The following TRIM71 variants were observed in gnomAD, a reference collection of about 807,000 sequenced individuals.
TRIM71 encodes E3 ubiquitin-protein ligase TRIM71.
TRIM71 carries 9 observed loss-of-function variants against 61.2 expected under a neutral mutation model. That is an observed-to-expected ratio of 0.15 (90% CI 0.09 to 0.26). TRIM71 has a LOEUF of 0.26. Ranked by LOEUF, TRIM71 falls within the 10% of genes least tolerant of loss-of-function variation. TRIM71 has a pLI of 1.00. For missense variants in TRIM71, 998 were observed against 1,238.7 expected (o/e 0.81, Z 2.92); for synonymous variants, 645 against 553.2 (o/e 1.17, Z -2.33).
Position 32,818,608 on chromosome 3 carries a change from T to G in TRIM71, c.528T>G (p.Pro176=). 7.2e-7 allele frequency: 1 copy of G among 1,393,494 alleles called. No homozygotes were observed. Among genetic ancestry groups the G allele is most frequent in the Non-Finnish European group, 9.2e-7 (1 of 1,081,504 alleles). 86.3% of individuals were successfully genotyped at this position (1,393,494 alleles called of 1,614,324 possible). A position where few individuals can be genotyped will look rare whatever the true frequency, so the allele number is the denominator to read the frequency against. The part of the protein sequence containing the change: ...PLPQAPQPPA[P]SRSAPGGPAA... ...CGCAGGCGCCGCAGCCGCCCGCGCCTTCCCGCTCGGCACCCGGCGGCCCTG... is the reference window on the plus strand; with the variant it reads ...CGCAGGCGCCGCAGCCGCCCGCGCCGTCCCGCTCGGCACCCGGCGGCCCTG... Residue 176 remains proline (P), a synonymous_variant, in exon 1 of 4, where the codon CCT becomes CCG. Transcript: ENST00000383763.
At chr3:32,877,763 C>T (rs1212397260) in intron 2 of TRIM71, among the ~76,000 whole-genome samples, 1 of 152,128 alleles carries the variant, frequency 6.6e-6, no homozygotes, top group East Asian at 1.9e-4. Flanking sequence ...TTCTAGTTCT[C>T]TTTGTATTTT....
intron 1 of TRIM71, among the ~76,000 whole-genome samples, chr3:32,857,812 AAC>A (rs1559544190): frequency 6.6e-6 from 1 of 152,172 alleles, no homozygotes; most frequent in Non-Finnish European, 1.5e-5. Context: ...CTGTACTAAA[AAC>A]ACAAAAATTA....
chr3:32,850,267 T>TA, intron 1 of TRIM71, among the ~76,000 whole-genome samples: 1 of 150,912 alleles, frequency 6.6e-6, no homozygotes, highest in Non-Finnish European at 1.5e-5. Context: ...GAATACAGAT[T>TA]TTTTTTTGTG....
At chr3:32,880,950 G>A (rs1038285884) in intron 2 of TRIM71, among the ~76,000 whole-genome samples, 14 of 152,056 alleles carry the variant, frequency 9.2e-5, no homozygotes, top group Admixed American at 4.6e-4. Context: ...AACAAAGGAA[G>A]AAACCCACGG....
At chr3:32,841,117 C>T (rs147331824) in intron 1 of TRIM71, among the ~76,000 whole-genome samples, 50 of 151,110 alleles carry the variant, frequency 3.3e-4, no homozygotes, top group African/African-American at 1.2e-3. Context: ...TGGTGGCGGT[C>T]GCCTGTAGTC....
chr3:32,876,824 CATG>C (rs1485620203), intron 2 of TRIM71, among the ~76,000 whole-genome samples: 1 of 152,074 alleles, frequency 6.6e-6, no homozygotes, highest in African/African-American at 2.4e-5. Context: ...GAGTGGTTAA[CATG>C]GTGAAATCTC....
chr3:32,856,437 C>T (rs966210118), intron 1 of TRIM71, among the ~76,000 whole-genome samples: 1 of 152,106 alleles, frequency 6.6e-6, no homozygotes, highest in African/African-American at 2.4e-5. Context: ...CTCAGCTGGC[C>T]TTATTCAGTT....
intron 1 of TRIM71, among the ~76,000 whole-genome samples, chr3:32,826,486 A>G (rs1696203215): frequency 1.3e-5 from 2 of 151,114 alleles, no homozygotes; most frequent in African/African-American, 2.4e-5. Flanking sequence ...CTCATATTAG[A>G]CTTAGGCTAA....
intron 1 of TRIM71, among the ~76,000 whole-genome samples, chr3:32,840,190 G>A (rs779739245): frequency 6.6e-6 from 1 of 152,052 alleles, no homozygotes; most frequent in Non-Finnish European, 1.5e-5. Context: ...GCACAGGGAG[G>A]GAGAAAAGTT....
intron 2 of TRIM71, among the ~76,000 whole-genome samples, chr3:32,874,446 T>G: frequency 6.6e-6 from 1 of 151,838 alleles, no homozygotes; most frequent in East Asian, 1.9e-4. Context: ...AACCACAACC[T>G]CCACCTCCCG....
chr3:32,884,572 C>T (rs1350082144), intron 2 of TRIM71, among the ~76,000 whole-genome samples: 1 of 151,612 alleles, frequency 6.6e-6, no homozygotes, highest in Non-Finnish European at 1.5e-5. Context: ...AAAGAAATGC[C>T]CAGGACAGAC....
intron 1 of TRIM71, among the ~76,000 whole-genome samples, chr3:32,861,149 A>G (rs1164138602): frequency 1.3e-5 from 2 of 151,760 alleles, no homozygotes; most frequent in African/African-American, 2.4e-5. Context: ...TACTCCAGCC[A>G]GAGCAAGACT....
At chr3:32,838,148 A>AT (rs1371253307) in intron 1 of TRIM71, among the ~76,000 whole-genome samples, 7 of 152,108 alleles carry the variant, frequency 4.6e-5, no homozygotes, top group African/African-American at 1.7e-4. Flanking sequence ...ATTACCGGGG[A>AT]TTTGCGGTTC....
rs1182924470 is a variant in TRIM71, at chr3:32,824,379, G to A, written c.852+5447G>A. Among the ~76,000 whole-genome samples the A allele has an allele frequency of 4.7e-5, 7 of 150,222 alleles. No individual in the cohort carries two copies. In the East Asian group the frequency reaches 1.4e-3, roughly 30 times the overall value. ...TTTCTTTTTTTTTTTTTTAAGTAGA[G>A]ACGGGGTTTCACCATATTGGCCAGG... is the stretch of plus-strand genomic sequence containing the variant. On this transcript the variant is annotated intron_variant, in intron 1 of 3. Transcript: ENST00000383763.
At chr3:32,881,514 C>A (rs2125690988) in intron 2 of TRIM71, among the ~76,000 whole-genome samples, 1 of 152,316 alleles carries the variant, frequency 6.6e-6, no homozygotes, top group South Asian at 2.1e-4. Flanking sequence ...AAGTCTCCAC[C>A]ATGCTGACTG....
intron 1 of TRIM71, among the ~76,000 whole-genome samples, chr3:32,835,606 G>C (rs1161627540): frequency 6.6e-6 from 1 of 152,158 alleles, no homozygotes; most frequent in East Asian, 1.9e-4. Context: ...TTCTGAGTAT[G>C]TTTATGCCTG....
intron 1 of TRIM71, among the ~76,000 whole-genome samples, chr3:32,824,916 T>A (rs375403279): frequency 1.1e-4 from 16 of 152,270 alleles, no homozygotes; most frequent in African/African-American, 3.6e-4. Context: ...AGCCTCAGCC[T>A]CCCAAGTAGC....
chr3:32,873,055 C>G (rs922246595), intron 1 of TRIM71, among the ~76,000 whole-genome samples: 7 of 139,096 alleles, frequency 5.0e-5, no homozygotes, highest in Non-Finnish European at 1.1e-4. Context: ...GCCAGCCCTT[C>G]TCTCTCTTCC....
rs1367848040 is a variant in TRIM71, at chr3:32,892,397, C to G, written c.*586C>G. 6.6e-6 allele frequency: 1 copy of G among 152,304 alleles called. No individual in the cohort carries two copies. Among genetic ancestry groups the G allele is most frequent in the African/African-American group, 2.4e-5 (1 of 41,436 alleles). The allele number at this position is 152,304 out of a possible 1,614,324, so 9.4% of individuals were successfully genotyped here. On this transcript the variant is annotated 3_prime_UTR_variant, in exon 4 of 4. Transcript: ENST00000383763. Reference sequence around the variant, plus strand: ...TGTTTTGATCTTTTTGGAAAATCTTCTCTTTTTAAATGCTGCAACAGAGAA... The same window carrying G: ...TGTTTTGATCTTTTTGGAAAATCTTGTCTTTTTAAATGCTGCAACAGAGAA...
Sources: gnomAD v4.1 joint callset for allele counts (sites outside exome capture counted in the v4.1 genomes callset) on GRCh38, gnomAD v4.1.1 for gene constraint, MANE v1.5 for transcripts, NCBI Gene and HGNC (gene_info 2026-07-23, HGNC 2026-07-21) for gene names.